The following ROBO2 variants were observed in gnomAD, a reference collection of about 807,000 sequenced individuals.
The protein encoded by ROBO2 is roundabout guidance receptor 2.
ROBO2 carries 53 observed loss-of-function variants against 160.8 expected under a neutral mutation model. That is an observed-to-expected ratio of 0.33 (90% CI 0.26 to 0.41). The LOEUF (loss-of-function observed/expected upper bound fraction) is 0.41, where lower values mean the gene tolerates loss of function less well. Ranked by LOEUF, ROBO2 falls within the 10% of genes least tolerant of loss-of-function variation. ROBO2 has a pLI of 1.00. For missense variants in ROBO2, 1,577 were observed against 1,722.4 expected, an observed-to-expected ratio of 0.92 and a Z score of 1.49; for synonymous variants, 664 against 611.7, an observed-to-expected ratio of 1.09 and a Z score of -1.26.
intron 2 of ROBO2, among the ~76,000 whole-genome samples, chr3:76,837,851 T>C (rs1244376975): frequency 1.3e-5 from 2 of 151,996 alleles, no homozygotes; most frequent in African/African-American, 4.8e-5. Context: ...GTCCTAATAA[T>C]ACCTCTAATG....
At chr3:77,110,611 TAC>T (rs2073442071) in intron 2 of ROBO2, among the ~76,000 whole-genome samples, 1 of 150,194 alleles carries the variant, frequency 6.7e-6, no homozygotes, top group South Asian at 2.1e-4. Flanking sequence ...AAATGGATCA[TAC>T]AGTTAAATGT....
intron 2 of ROBO2, among the ~76,000 whole-genome samples, chr3:76,840,363 A>C (rs564974314): frequency 6.6e-6 from 1 of 151,974 alleles, no homozygotes; most frequent in South Asian, 2.1e-4. Context: ...TAATCCCAGC[A>C]CTTTGGGAGG....
intron 1 of ROBO2, among the ~76,000 whole-genome samples, chr3:77,075,237 T>A (rs2067842394): frequency 6.6e-6 from 1 of 152,180 alleles, no homozygotes; most frequent in Non-Finnish European, 1.5e-5. Flanking sequence ...CGTGAGAGTA[T>A]TTTTTATCGT....
chr3:76,128,059 C>A (rs2071068155), intron 2 of ROBO2, among the ~76,000 whole-genome samples: 1 of 151,848 alleles, frequency 6.6e-6, no homozygotes, highest in Non-Finnish European at 1.5e-5. Flanking sequence ...CCATGCCCAG[C>A]TAATTTTTGC....
At chr3:75,988,028 T>G (rs1483163066) in intron 2 of ROBO2, among the ~76,000 whole-genome samples, 3 of 152,028 alleles carry the variant, frequency 2.0e-5, no homozygotes, top group Non-Finnish European at 4.4e-5. Context: ...CTGGTTTTGG[T>G]AGTAGGGTAA....
At chr3:77,072,996 A>G (rs2067580639) in intron 1 of ROBO2, among the ~76,000 whole-genome samples, 1 of 152,222 alleles carries the variant, frequency 6.6e-6, no homozygotes, top group Non-Finnish European at 1.5e-5. Context: ...ATTTTTACAA[A>G]CATGAACAGA....
chr3:77,104,948 A>T (rs2072580902), intron 2 of ROBO2, among the ~76,000 whole-genome samples: 1 of 152,300 alleles, frequency 6.6e-6, no homozygotes, highest in African/African-American at 2.4e-5. Context: ...ATTAAGTTGG[A>T]TAATCTTACT....
chr3:77,239,282 G>GT (rs1439583142), intron 2 of ROBO2, among the ~76,000 whole-genome samples: 1 of 152,168 alleles, frequency 6.6e-6, no homozygotes, highest in East Asian at 1.9e-4. Flanking sequence ...TTTGCCGTGA[G>GT]TGTTGCAGCT....
chr3:76,664,835 G>A (rs1054308747), intron 2 of ROBO2, among the ~76,000 whole-genome samples: 2 of 152,120 alleles, frequency 1.3e-5, no homozygotes, highest in African/African-American at 4.8e-5. Flanking sequence ...AAAATATTCA[G>A]GAAATTAAGT....
intron 2 of ROBO2, among the ~76,000 whole-genome samples, chr3:76,138,180 G>A (rs1479328403): frequency 6.6e-6 from 1 of 151,774 alleles, no homozygotes. Context: ...AAAATGTGAT[G>A]CCCAAATCAC....
exon 22 of ROBO2, chr3:77,617,730 G>A: frequency 1.9e-6 from 3 of 1,613,872 alleles, no homozygotes; most frequent in Non-Finnish European, 2.5e-6. Context: ...TCACCTGGAT[G>A]AGTTGACAAG....
chr3:75,957,056 T>C (rs1367867791), intron 2 of ROBO2, among the ~76,000 whole-genome samples: 1 of 151,744 alleles, frequency 6.6e-6, no homozygotes, highest in Non-Finnish European at 1.5e-5. Context: ...GTTTCATTAT[T>C]AATTTATTTT....
intron 2 of ROBO2, among the ~76,000 whole-genome samples, chr3:77,417,812 T>C (rs2077381945): frequency 6.6e-6 from 1 of 152,130 alleles, no homozygotes; most frequent in Non-Finnish European, 1.5e-5. Context: ...TATTGTGAGA[T>C]TATGTATATT....
At chr3:76,919,539 T>G (rs559586272) in intron 2 of ROBO2, among the ~76,000 whole-genome samples, 31 of 152,294 alleles carry the variant, frequency 2.0e-4, no homozygotes, top group African/African-American at 7.5e-4. Flanking sequence ...TTCTGTAACT[T>G]GTGAGACATT....
intron 2 of ROBO2, among the ~76,000 whole-genome samples, chr3:76,502,938 G>T (rs1452823362): frequency 6.6e-6 from 1 of 151,878 alleles, no homozygotes; most frequent in Non-Finnish European, 1.5e-5. Flanking sequence ...AGCTTTCATG[G>T]AACAACCATG....
At chr3:76,913,600 A>G (rs912519641) in intron 2 of ROBO2, among the ~76,000 whole-genome samples, 7 of 152,204 alleles carry the variant, frequency 4.6e-5, no homozygotes, top group African/African-American at 1.7e-4. Flanking sequence ...TTTTAAGACA[A>G]ATTAACTCTG....
At chr3:76,693,214 A>T (rs1464871493) in intron 2 of ROBO2, among the ~76,000 whole-genome samples, 1 of 149,794 alleles carries the variant, frequency 6.7e-6, no homozygotes, top group Non-Finnish European at 1.5e-5. Flanking sequence ...GTACATACAC[A>T]TATCCCTATA....
At chr3:76,993,178 T>C (rs1034416568) in intron 2 of ROBO2, among the ~76,000 whole-genome samples, 2 of 151,916 alleles carry the variant, frequency 1.3e-5, no homozygotes, top group Non-Finnish European at 2.9e-5. Context: ...AAAAGCATCC[T>C]TGATTTCAAA....
intron 2 of ROBO2, among the ~76,000 whole-genome samples, chr3:76,928,647 T>C (rs1410315709): frequency 6.6e-6 from 1 of 152,136 alleles, no homozygotes; most frequent in African/African-American, 2.4e-5. Flanking sequence ...TCACAGGGTC[T>C]CAACAATTCT....
Sources: gnomAD v4.1 joint callset for allele counts (sites outside exome capture counted in the v4.1 genomes callset) on GRCh38, gnomAD v4.1.1 for gene constraint, MANE v1.5 for transcripts, NCBI Gene and HGNC (gene_info 2026-07-23, HGNC 2026-07-21) for gene names.